LRCH1: variants seen among roughly 807,000 people sequenced by gnomAD.
The protein encoded by LRCH1 is leucine-rich repeat and calponin homology domain-containing protein 1.
A neutral mutation model predicts 94.9 loss-of-function variants in LRCH1; 23 were observed. The ratio of observed to expected loss-of-function variants is 0.24; its 90% CI spans 0.17 to 0.34. The LOEUF (loss-of-function observed/expected upper bound fraction) is 0.34. Among genes scored for constraint, LRCH1 ranks in the 10% least tolerant of loss-of-function variants. The pLI, the probability that LRCH1 is intolerant of heterozygous loss-of-function variation, is 1.00. For synonymous variants in LRCH1, 364 were observed against 354.9 expected, an observed-to-expected ratio of 1.03 and a Z score of -0.29; for missense variants, 790 against 945.9, an observed-to-expected ratio of 0.84 and a Z score of 2.16.
intron 1 of LRCH1, among the ~76,000 whole-genome samples, chr13:46,563,987 C>G (rs956238960): frequency 6.6e-6 from 1 of 152,102 alleles, no homozygotes; most frequent in Admixed American, 6.5e-5. Context: ...CCACCCAAAC[C>G]AGCCAGGTTG....
chr13:46,693,122 C>T (rs1870995919), intron 8 of LRCH1, among the ~76,000 whole-genome samples: 2 of 151,988 alleles, frequency 1.3e-5, no homozygotes, highest in African/African-American at 4.8e-5. Context: ...CAGGCACCTG[C>T]CACCATGCCC....
intron 1 of LRCH1, among the ~76,000 whole-genome samples, chr13:46,565,448 C>T (rs982012643): frequency 6.6e-6 from 1 of 152,138 alleles, no homozygotes; most frequent in East Asian, 1.9e-4. Context: ...GCAGTTGAGA[C>T]AAGACCACAT....
intron 2 of LRCH1, among the ~76,000 whole-genome samples, chr13:46,655,956 G>C (rs1263986303): frequency 6.6e-6 from 1 of 152,178 alleles, no homozygotes; most frequent in Admixed American, 6.5e-5. Context: ...AGTGGGTTCC[G>C]AAGCATTGCC....
intron 3 of LRCH1, among the ~76,000 whole-genome samples, chr13:46,676,081 T>C (rs1027756722): frequency 4.6e-5 from 7 of 152,146 alleles, no homozygotes; most frequent in Non-Finnish European, 1.0e-4. Context: ...ACCAACATGG[T>C]GAAACCCTGT....
rs61648661 is a variant in LRCH1, at chr13:46,647,112, CAA to C, written c.308-3073_308-3072del. ...TGGGTGACAGAGTGAGACTCCAACT[CAA>C]AAAAAAAAAAAAAAAGAAACCATGC... On this transcript the variant is annotated intron_variant, in intron 1 of 19. Coordinates refer to ENST00000389797, the MANE Select transcript of LRCH1 (RefSeq NM_001164211.2). Among the ~76,000 whole-genome samples the C allele has an allele frequency of 4.3e-3, 359 of 84,422 alleles. 4 individuals are homozygous for C. Among genetic ancestry groups the C allele is most frequent in the African/African-American group, 0.013 (292 of 21,974 alleles). 55.4% of individuals were successfully genotyped at this position (84,422 alleles called of 152,430 possible). A position where few individuals can be genotyped will look rare whatever the true frequency, so the allele number is the denominator to read the frequency against.
rs1014130909 is a variant in LRCH1, at chr13:46,743,211, G to A, written c.*1363G>A. The A allele has an allele frequency of 1.4e-5, 14 of 985,648 alleles. No homozygotes were observed. Among genetic ancestry groups the A allele is most frequent in the Admixed American group, 1.2e-4 (2 of 16,262 alleles). 61.1% of individuals were successfully genotyped at this position (985,648 alleles called of 1,614,324 possible). Reference sequence around the variant, plus strand: ...AACAGCTCTCATAGATGGCTACTACGAAGAAAATCTTATTTTTCTGAACAT... The same window carrying A: ...AACAGCTCTCATAGATGGCTACTACAAAGAAAATCTTATTTTTCTGAACAT... On this transcript the variant is annotated 3_prime_UTR_variant, in exon 20 of 20. Transcript: ENST00000389797.
intron 3 of LRCH1, among the ~76,000 whole-genome samples, chr13:46,677,334 C>T (rs906882277): frequency 3.3e-5 from 5 of 150,148 alleles, no homozygotes; most frequent in Admixed American, 6.6e-5. Flanking sequence ...GAGACTGAGG[C>T]GGGAGAATCG....
chr13:46,657,692 A>ATTTTTTTTTT lies in LRCH1; in HGVS notation c.452+7354_452+7363dup, dbSNP rs55823488. Among the ~76,000 whole-genome samples the ATTTTTTTTTT allele has an allele frequency of 3.1e-3, 146 of 46,900 alleles. 26 individuals carry two copies. Among genetic ancestry groups the ATTTTTTTTTT allele is most frequent in the South Asian group, 0.015 (16 of 1,078 alleles). The allele number at this position is 46,900 out of a possible 152,430, so 30.8% of individuals were successfully genotyped here. ...AGACGTGCGCCACCATGCCCAGCTA[A>ATTTTTTTTTT]TTTTTTTTTTTTTTTTGGTAGAGAT... On this transcript the variant is annotated intron_variant, in intron 2 of 19. Transcript: ENST00000389797.
At chr13:46,642,116 G>C (rs760635315) in intron 1 of LRCH1, among the ~76,000 whole-genome samples, 1 of 152,246 alleles carries the variant, frequency 6.6e-6, no homozygotes, top group Non-Finnish European at 1.5e-5. Flanking sequence ...TGGAGGATAC[G>C]TGGCACTAAA....
At chr13:46,716,610 T>C (rs1160303758) in intron 16 of LRCH1, among the ~76,000 whole-genome samples, 2 of 152,218 alleles carry the variant, frequency 1.3e-5, no homozygotes, top group African/African-American at 4.8e-5. Flanking sequence ...ATGTTACATG[T>C]AATACCTGGA....
At chr13:46,649,188 T>G (rs945490971) in intron 1 of LRCH1, among the ~76,000 whole-genome samples, 1 of 152,236 alleles carries the variant, frequency 6.6e-6, no homozygotes, top group Non-Finnish European at 1.5e-5. Flanking sequence ...ATTTACATTT[T>G]CTGTGTTTTC....
chr13:46,664,038 A>G (rs2051482991), intron 2 of LRCH1, among the ~76,000 whole-genome samples: 1 of 152,188 alleles, frequency 6.6e-6, no homozygotes, highest in Admixed American at 6.5e-5. Flanking sequence ...ATAGGATTAT[A>G]TGTTGTAGTC....
At chr13:46,696,658 T>C (rs1430586308) in intron 9 of LRCH1, among the ~76,000 whole-genome samples, 1 of 152,148 alleles carries the variant, frequency 6.6e-6, no homozygotes, top group Non-Finnish European at 1.5e-5. Flanking sequence ...GATACTTCTC[T>C]TGGAAAATCA....
At chr13:46,728,260 G>T (rs754287143) in intron 17 of LRCH1, among the ~76,000 whole-genome samples, 2 of 151,834 alleles carry the variant, frequency 1.3e-5, no homozygotes, top group Non-Finnish European at 1.5e-5. Flanking sequence ...CTGTCACCCA[G>T]GCTGGAGTGC....
At chr13:46,710,717 G>A (rs1443650108) in intron 13 of LRCH1, among the ~76,000 whole-genome samples, 1 of 152,130 alleles carries the variant, frequency 6.6e-6, no homozygotes, top group African/African-American at 2.4e-5. Context: ...TTTTTAAATA[G>A]CACTCCTCAA....
intron 16 of LRCH1, 42 bp downstream of exon 16, chr13:46,715,706 A>C (rs1872286851): frequency 8.6e-7 from 1 of 1,164,624 alleles, no homozygotes; most frequent in East Asian, 2.5e-5. Flanking sequence ...CTCATTAATA[A>C]GCCAATGCGT....
intron 1 of LRCH1, among the ~76,000 whole-genome samples, chr13:46,555,171 GTC>G (rs2050050610): frequency 1.3e-5 from 2 of 152,210 alleles, no homozygotes; most frequent in Admixed American, 6.5e-5. Flanking sequence ...GCTGGGGAGT[GTC>G]TTTCAATAAG....
chr13:46,601,251 C>T (rs947509183), intron 1 of LRCH1, among the ~76,000 whole-genome samples: 1 of 152,238 alleles, frequency 6.6e-6, no homozygotes, highest in African/African-American at 2.4e-5. Flanking sequence ...CTCTGGTCCT[C>T]TCTTCACTGT....
chr13:46,705,375 G>A (rs1461614134), intron 13 of LRCH1, 71 bp downstream of exon 13: 3 of 1,284,142 alleles, frequency 2.3e-6, no homozygotes, highest in East Asian at 2.3e-5. Flanking sequence ...ACCACATTCT[G>A]TAAAGATTTG....
Sources: allele counts gnomAD v4.1 joint callset (sites outside exome capture counted in the v4.1 genomes callset), GRCh38; gene constraint gnomAD v4.1.1; transcripts MANE v1.5; gene names NCBI Gene and HGNC (gene_info 2026-07-23, HGNC 2026-07-21).